Variants in SYT8 observed in about 807,000 individuals in gnomAD.
SYT8 encodes the protein synaptotagmin 8.
A neutral mutation model predicts 34.9 loss-of-function variants in SYT8; 50 were observed. The ratio of observed to expected loss-of-function variants is 1.43; its 90% CI spans 1.14 to 1.81. SYT8 has a LOEUF of 1.81. Among genes scored for constraint, SYT8 ranks in the 40% most tolerant of loss-of-function variants. SYT8 has a pLI of 0.00. For synonymous variants in SYT8, 255 were observed against 234.2 expected, an observed-to-expected ratio of 1.09 and a Z score of -0.81; for missense variants, 595 against 529.0, an observed-to-expected ratio of 1.12 and a Z score of -1.22.
In SYT8 at chr11:1,836,370, C is replaced by T. The variant is rs548992636; in HGVS notation, c.517-55C>T. 981 of 1,498,900 alleles carry T rather than the reference C, an allele frequency of 6.5e-4. 1 individual carries two copies. Among genetic ancestry groups the T allele is most frequent in the Middle Eastern group, 2.5e-3 (14 of 5,568 alleles). The allele number at this position is 1,498,900 out of a possible 1,614,324, so 92.9% of individuals were successfully genotyped here. ...GCCTGGGCAGCTGGGTGGGCCTGGG[C>T]AGCTGGGTGGGCCTGAGCTAGGGCA... is the stretch of plus-strand genomic sequence containing the variant. On this transcript the variant is annotated intron_variant, in intron 4 of 7. Coordinates refer to ENST00000341958, the MANE Select transcript of SYT8 (RefSeq NM_001394072.1).
rs199553353 is a variant in SYT8 at position 1,836,979 on chromosome 11, C to T, written c.813C>T (p.Leu271=). The T allele has an allele frequency of 4.3e-5, 70 of 1,613,614 alleles. No homozygotes were observed. The highest frequency in any genetic ancestry group is 1.8e-4 in the Admixed American group (11 of 60,002). The change falls in exon 7 of 8, where the codon CTC becomes CTT. Residue 271 remains leucine (L), a synonymous_variant. Coordinates refer to ENST00000341958, the MANE Select transcript of SYT8 (RefSeq NM_001394072.1). ...GLAEPYVKVQ[L]MLNQRKWKKR... ...CAGAGCCCTACGTGAAGGTCCAGCT[C>T]ATGCTGAACCAGAGGAAGTGGAAGA... is the stretch of plus-strand genomic sequence containing the variant.
At position 1,836,793 on chromosome 11, in the gene SYT8, A is replaced by G. The variant is rs923071780; in HGVS notation, c.722A>G (p.Tyr241Cys). ...GGGGAGCTGTGCTTCTCTCTCCGGT[A>G]CGTGCCCAGCTCAGGCCGGCTGACC... ...QVGELCFSLRYVPSSGRLTVV... is the reference protein window; with the variant it reads ...QVGELCFSLRCVPSSGRLTVV... The change falls in exon 6 of 8, where the codon TAC becomes TGC. Residue 241 changes from tyrosine to cysteine, a missense_variant. Tyr to Cys is a radical substitution (Grantham distance 194, BLOSUM62 -2). Coordinates refer to ENST00000341958, the MANE Select transcript of SYT8 (RefSeq NM_001394072.1). 2 of 1,610,874 alleles carry G rather than the reference A, an allele frequency of 1.2e-6. No homozygotes were observed. Among genetic ancestry groups the G allele is most frequent in the African/African-American group, 2.7e-5 (2 of 74,942 alleles).
In SYT8 at chr11:1,836,466, G is replaced by A. The variant is rs770271871; in HGVS notation, c.558G>A (p.Gln186=). Residue 186 remains glutamine (Q), a synonymous_variant, in exon 5 of 8, where the codon CAG becomes CAA. Coordinates refer to ENST00000341958, the MANE Select transcript of SYT8 (RefSeq NM_001394072.1). Reference sequence around the variant, plus strand: ...TGCCAGGGGCCACCCTGCAGGTGCAGCTTTTCAACTTCAAGCGCTTCTCGG... The same window carrying A: ...TGCCAGGGGCCACCCTGCAGGTGCAACTTTTCAACTTCAAGCGCTTCTCGG... ...AELPGATLQV[Q]LFNFKRFSGH... is the part of the protein sequence containing the mutation. 1 of 1,606,940 alleles carries A rather than the reference G, an allele frequency of 6.2e-7. No homozygotes were observed. The highest frequency in any genetic ancestry group is 2.2e-5 in the East Asian group (1 of 44,700).
upstream of SYT8, chr11:1,834,709 C>T (rs970833086): frequency 3.3e-6 from 4 of 1,225,608 alleles, no homozygotes; most frequent in African/African-American, 3.0e-5. The surrounding 1 kb of genome is among the most constrained non-coding windows in gnomAD (Gnocchi z 4.5). Context: ...GCCCAGGGTC[C>T]AGGGCCCAGG....
At chr11:1,834,301 T>TG, upstream of SYT8, 1 of 536,316 alleles carries the variant, frequency 1.9e-6, no homozygotes. The surrounding 1 kb of genome is among the most constrained non-coding windows in gnomAD (Gnocchi z 4.5). Context: ...CCCACCCACA[T>TG]GCCGAAGGGT....
chr11:1,835,404 G>A lies in SYT8; in HGVS notation c.203G>A (p.Arg68Lys). Reference sequence around the variant, plus strand: ...TGCCGCCGCCACAGGAAGAAGCCCAGGGACAAGGAGTCCGTGGGTCTGGGC... The same window carrying A: ...TGCCGCCGCCACAGGAAGAAGCCCAAGGACAAGGAGTCCGTGGGTCTGGGC... ...CCCRRHRKKP[R>K]DKESVGLGSA... is the part of the protein sequence containing the mutation. The change falls in exon 2 of 8, where the codon AGG (arginine) becomes AAG (lysine). Residue 68 changes from arginine (R) to lysine (K), a missense_variant. Transcript: ENST00000341958. The A allele has an allele frequency of 6.2e-7, 1 of 1,609,596 alleles. No homozygotes were observed. Among genetic ancestry groups the A allele is most frequent in the Non-Finnish European group, 8.5e-7 (1 of 1,179,522 alleles).
rs1283014842 is a variant in SYT8, at chr11:1,835,183, TGTC to T, written c.80_82del (p.Val27del). 3 of 1,613,172 alleles carry T rather than the reference TGTC, an allele frequency of 1.9e-6. No homozygotes were observed. Among genetic ancestry groups the T allele is most frequent in the Non-Finnish European group, 2.5e-6 (3 of 1,179,892 alleles). ...CTATACCTGGGCTTATTCCAGACCT[TGTC>T]GCCGGGACCCCCTGTGAGTTGTGGG... On this transcript the variant is annotated inframe_deletion, in exon 1 of 8. Transcript: ENST00000341958.
Position 1,837,219 on chromosome 11 carries a change from G to C in SYT8, c.952G>C (p.Asp318His), listed in dbSNP as rs763087464. The change falls in exon 8 of 8, where the codon GAC becomes CAC. Residue 318 changes from aspartate (D) to histidine (H), a missense_variant. Asp to His is a moderately conservative substitution (Grantham distance 81). Transcript: ENST00000341958. ...TGTGGACCTGGTGCTGGCTGTCTGG[G>C]ACCGCAGCCTGCCGCTCCGAACTGA... is the stretch of plus-strand genomic sequence containing the variant. ...QNVDLVLAVW[D>H]RSLPLRTEPV... is the part of the protein sequence containing the mutation. 1.3e-5 allele frequency: 21 copies of C among 1,569,484 alleles called. No homozygotes were observed. The highest frequency in any genetic ancestry group is 1.7e-4 in the Middle Eastern group (1 of 5,864).
Position 1,836,842 on chromosome 11 carries a change from C to T in SYT8, c.771C>T (p.Gly257=), listed in dbSNP as rs1846968082. Residue 257 remains glycine, a synonymous_variant, in exon 6 of 8, where the codon GGC becomes GGT. Coordinates refer to ENST00000341958, the MANE Select transcript of SYT8 (RefSeq NM_001394072.1). ...CCGTGGTGGTGCTGGAGGCTCGAGG[C>T]CTGCGTCCAGGACTTGCAGGTGAGG... is the stretch of plus-strand genomic sequence containing the variant. ...RLTVVVLEAR[G]LRPGLAEPYV... is the part of the protein sequence containing the mutation. 1 of 1,611,806 alleles carries T rather than the reference C, an allele frequency of 6.2e-7. No homozygotes were observed. Among genetic ancestry groups the T allele is most frequent in the Non-Finnish European group, 8.5e-7 (1 of 1,179,952 alleles).
chr11:1,836,429 C>G lies in SYT8; in HGVS notation c.521C>G (p.Pro174Arg). 1 of 1,558,422 alleles carries G rather than the reference C, an allele frequency of 6.4e-7. No individual in the cohort carries two copies. The highest frequency in any genetic ancestry group is 8.7e-7 in the Non-Finnish European group (1 of 1,153,560). Residue 174 changes from proline (P) to arginine (R), a missense_variant, in exon 5 of 8, where the codon CCG becomes CGG. Transcript: ENST00000341958. ...VFDETCCFHI[P>R]QAELPGATLQ... ...TGGCTCACGCCGCTGCCTCAGATCC[C>G]GCAGGCGGAGCTGCCAGGGGCCACC...
upstream of SYT8, among the ~76,000 whole-genome samples, chr11:1,832,297 C>T (rs532695953): frequency 3.3e-5 from 5 of 152,260 alleles, no homozygotes; most frequent in African/African-American, 9.6e-5. Flanking sequence ...CAGCCGCCTT[C>T]GTGGGGAGAG....
intron 1 of SYT8, 31 bp from the exon 2 acceptor site, chr11:1,835,265 A>C: frequency 6.2e-7 from 1 of 1,603,132 alleles, no homozygotes; most frequent in South Asian, 1.1e-5. Context: ...GCAGCTGTCC[A>C]CAGATGCACT....
Position 1,835,866 on chromosome 11 carries a change from C to T in SYT8, c.259-20C>T, listed in dbSNP as rs747961481. ...GGCATGATGTCAGCACCACCTGCCC[C>T]TTGTCCCAACTCACTCCAGGTGCAA... On this transcript the variant is annotated intron_variant, in intron 2 of 7. Coordinates refer to ENST00000341958, the MANE Select transcript of SYT8 (RefSeq NM_001394072.1). The T allele has an allele frequency of 3.1e-6, 5 of 1,605,614 alleles. No individual in the cohort carries two copies. The highest frequency in any genetic ancestry group is 4.3e-6 in the Non-Finnish European group (5 of 1,173,496).
rs3741232 is a variant in SYT8 at position 1,836,517 on chromosome 11, T to C, written c.609T>C (p.Arg203=). ...FSGHEPLGEL[R]LPLGTVDLQH... is the part of the protein sequence containing the mutation. ...GGCATGAGCCCCTGGGTGAGCTCCGTCTGCCACTGGGCACCGTGGATCTGC... is the reference window on the plus strand; with the variant it reads ...GGCATGAGCCCCTGGGTGAGCTCCGCCTGCCACTGGGCACCGTGGATCTGC... The change falls in exon 5 of 8, where the codon CGT becomes CGC. Residue 203 remains arginine (R), a synonymous_variant. Transcript: ENST00000341958. 622,280 of 1,610,776 alleles carry C rather than the reference T, an allele frequency of 0.39. 122,680 individuals are homozygous for C. Among genetic ancestry groups the C allele is most frequent in the South Asian group, 0.42 (38,330 of 90,918 alleles).
At chr11:1,835,250 G>A (rs185831392) in intron 1 of SYT8, 46 bp from the exon 2 acceptor site, 54 of 1,606,280 alleles carry the variant, frequency 3.4e-5, no homozygotes, top group African/African-American at 3.3e-4. Context: ...AGCCAAGTGG[G>A]GGCTGCAGCT....
chr11:1,836,737 C>T lies in SYT8; in HGVS notation c.685-19C>T, dbSNP rs1202711362. 1 of 1,605,594 alleles carries T rather than the reference C, an allele frequency of 6.2e-7. No individual in the cohort carries two copies. Among genetic ancestry groups the T allele is most frequent in the Non-Finnish European group, 8.5e-7 (1 of 1,178,086 alleles). On this transcript the variant is annotated intron_variant, in intron 5 of 7. Transcript: ENST00000341958. Reference sequence around the variant, plus strand: ...CCAGAATCACCCTCCCGGGCTGAAGCCCCTCTTGCTGCCCACAGCCCGAGC... The same window carrying T: ...CCAGAATCACCCTCCCGGGCTGAAGTCCCTCTTGCTGCCCACAGCCCGAGC...
At chr11:1,836,922 C>A in intron 6 of SYT8, 35 bp from the exon 7 acceptor site, 2 of 1,613,018 alleles carry the variant, frequency 1.2e-6, no homozygotes, top group Non-Finnish European at 1.7e-6. Flanking sequence ...AGCCCCGAGC[C>A]CTGGGATGCC....
chr11:1,837,308 C>G lies in SYT8; in HGVS notation c.1041C>G (p.Asp347Glu). Reference sequence around the variant, plus strand: ...GGCAGCCCCTGCAGCACTGGGCAGACATGCTGGCCCACGCCCGGCGGCCCA... The same window carrying G: ...GGCAGCCCCTGCAGCACTGGGCAGAGATGCTGGCCCACGCCCGGCGGCCCA... ...ASGQPLQHWA[D>E]MLAHARRPIA... is the part of the protein sequence containing the mutation. The change falls in exon 8 of 8, where the codon GAC becomes GAG. Residue 347 changes from aspartate (D) to glutamate (E), a missense_variant. Coordinates refer to ENST00000341958, the MANE Select transcript of SYT8 (RefSeq NM_001394072.1). The G allele has an allele frequency of 6.3e-7, 1 of 1,589,178 alleles. No individual in the cohort carries two copies. The highest frequency in any genetic ancestry group is 8.5e-7 in the Non-Finnish European group (1 of 1,172,332).
At position 1,835,468 on chromosome 11, in the gene SYT8, C is replaced by T. The variant is rs771435311; in HGVS notation, c.258+9C>T. On this transcript the variant is annotated intron_variant, in intron 2 of 7. Coordinates refer to ENST00000341958, the MANE Select transcript of SYT8 (RefSeq NM_001394072.1). ...CCACCACCACCCACCTGGTGAGGAG[C>T]GGCTCCTTGCTCACTCAGTCCAGAG... 21 of 1,608,168 alleles carry T rather than the reference C, an allele frequency of 1.3e-5. No individual in the cohort carries two copies. The highest frequency in any genetic ancestry group is 4.5e-5 in the East Asian group (2 of 44,846).
Sources: allele counts gnomAD v4.1 joint callset (sites outside exome capture counted in the v4.1 genomes callset), GRCh38; gene constraint gnomAD v4.1.1; non-coding constraint Gnocchi (gnomAD v3.1); transcripts MANE v1.5; gene names NCBI Gene and HGNC (gene_info 2026-07-23, HGNC 2026-07-21).